Variants in PTPRB observed in about 807,000 individuals in gnomAD.
PTPRB encodes receptor-type tyrosine-protein phosphatase beta.
A neutral mutation model predicts 238.1 loss-of-function variants in PTPRB; 97 were observed. The observed-to-expected ratio is 0.41, with a 90% CI of 0.35 to 0.48. PTPRB has a LOEUF of 0.48. Among genes scored for constraint, PTPRB ranks in the 20% least tolerant of loss-of-function variants. The pLI, the probability that PTPRB is intolerant of heterozygous loss-of-function variation, is 0.30. For missense variants in PTPRB, 2,292 were observed against 2,681.9 expected (o/e 0.85, Z 3.21); for synonymous variants, 970 against 995.4 (o/e 0.97, Z 0.48).
At chr12:70,630,920 A>C (rs1158382726) in intron 2 of PTPRB, among the ~76,000 whole-genome samples, 2 of 152,206 alleles carry the variant, frequency 1.3e-5, no homozygotes, top group Non-Finnish European at 2.9e-5. Flanking sequence ...TGCTCAACGA[A>C]ATAAAAGAGG....
intron 27 of PTPRB, 88 bp from the exon 28 acceptor site, chr12:70,538,319 C>A: frequency 9.4e-7 from 1 of 1,065,730 alleles, no homozygotes. Context: ...CTGATCCCCA[C>A]AACAGCCACA....
chr12:70,573,504 T>C (rs917701030), intron 11 of PTPRB, among the ~76,000 whole-genome samples: 1 of 99,630 alleles, frequency 1.0e-5, no homozygotes, highest in Non-Finnish European at 2.3e-5. Context: ...TCTTTTCTTT[T>C]CTTTTTTTTT....
chr12:70,587,134 G>T lies in PTPRB; in HGVS notation c.2184C>A (p.His728Gln). 6.2e-7 allele frequency: 1 copy of T among 1,613,966 alleles called. No homozygotes were observed. Residue 728 changes from histidine (H) to glutamine (Q), a missense_variant, in exon 9 of 34, where the codon CAC (histidine) becomes CAA (glutamine). This residue lies in a region of PTPRB where 1,205 missense variants were observed against 1,287.8 expected (regional missense o/e 0.94). Coordinates refer to ENST00000334414, the MANE Select transcript of PTPRB (RefSeq NM_001109754.4). The part of the protein sequence containing the change: ...SLADRDLLLI[H>Q]KSLSKDAKEF... The stretch of plus-strand genomic sequence containing the variant: ...CTTTGGCATCTTTGGAGAGTGACTT[G>T]TGGATCAGTAAGAGGTCTCTGTCAG...
rs1320079893 is a variant in PTPRB, at chr12:70,534,636, C to T, written c.6220G>A (p.Ala2074Thr). 1 of 1,612,274 alleles carries T rather than the reference C, an allele frequency of 6.2e-7. No individual in the cohort carries two copies. The highest frequency in any genetic ancestry group is 1.1e-5 in the South Asian group (1 of 90,578). ...TGAAAGTGGCGGATGAGTCTGTGTGCATCAAGCTGTTCCTCCTGTAAGAGC... is the reference window on the plus strand; with the variant it reads ...TGAAAGTGGCGGATGAGTCTGTGTGTATCAAGCTGTTCCTCCTGTAAGAGC... ...FKICGEEQLD[A>T]HRLIRHFHYT... Residue 2074 changes from alanine (A) to threonine (T), a missense_variant, in exon 31 of 34, where the codon GCA (alanine) becomes ACA (threonine). By Grantham distance (58) the Ala-to-Thr change is moderately conservative (BLOSUM62 0). This residue lies in a region of PTPRB where 397 missense variants were observed against 502.0 expected (regional missense o/e 0.79). Transcript: ENST00000334414.
At chr12:70,539,305 G>T in intron 26 of PTPRB, 1 of 528,662 alleles carries the variant, frequency 1.9e-6, no homozygotes, top group Non-Finnish European at 3.3e-6. Flanking sequence ...GCGAAACCAC[G>T]GCATCTTCCA....
chr12:70,589,680 T>C (rs1057159343), intron 8 of PTPRB, among the ~76,000 whole-genome samples: 3 of 152,202 alleles, frequency 2.0e-5, no homozygotes, highest in African/African-American at 7.2e-5. Flanking sequence ...TCTTCTTTTG[T>C]GGGAAGGGTC....
intron 3 of PTPRB, chr12:70,609,907 C>G (rs559716103): frequency 8.3e-7 from 1 of 1,205,378 alleles, no homozygotes; most frequent in Non-Finnish European, 1.1e-6. Context: ...TGCGCGCGCT[C>G]AGCGCGCCCC....
intron 29 of PTPRB, 115 bp from the exon 30 acceptor site, chr12:70,535,070 A>G (rs1404823861): frequency 1.6e-6 from 2 of 1,244,426 alleles, no homozygotes; most frequent in East Asian, 4.8e-5. Context: ...CAGCTGCTAA[A>G]GCAATTTGAC....
chr12:70,548,336 TCTCTCTCTCTCACA>T (rs1226399654), intron 21 of PTPRB, among the ~76,000 whole-genome samples: 2 of 34,340 alleles, frequency 5.8e-5, no homozygotes, highest in African/African-American at 1.1e-4. Flanking sequence ...TCTCTCTCTC[TCTCTCTCTCTCACA>T]CACACACACA....
intron 30 of PTPRB, 56 bp from the exon 31 acceptor site, chr12:70,534,707 T>G: frequency 6.2e-7 from 1 of 1,602,004 alleles, no homozygotes; most frequent in African/African-American, 1.3e-5. Flanking sequence ...ACCTTCAAAC[T>G]TGACAGCTGA....
intron 21 of PTPRB, among the ~76,000 whole-genome samples, chr12:70,547,955 G>GA (rs1451672394): frequency 6.6e-6 from 1 of 152,144 alleles, no homozygotes; most frequent in Non-Finnish European, 1.5e-5. Context: ...AGATATGAAC[G>GA]AAAACTGAAC....
intron 14 of PTPRB, among the ~76,000 whole-genome samples, chr12:70,567,373 C>T (rs796713865): frequency 6.6e-6 from 1 of 152,142 alleles, no homozygotes; most frequent in South Asian, 2.1e-4. Context: ...CTGAATGTAC[C>T]ACAGACATCC....
At position 70,520,957 on chromosome 12, in the gene PTPRB, C is replaced by T. The variant is rs1871588234; in HGVS notation, c.*532G>A. ...CTGCTTAATTCTTTTTTCTCCCTCC[C>T]TCTAATCCTTTTTTTGACTGTCACA... On this transcript the variant is annotated 3_prime_UTR_variant, in exon 34 of 34. Coordinates refer to ENST00000334414, the MANE Select transcript of PTPRB (RefSeq NM_001109754.4). The T allele has an allele frequency of 6.6e-6, 1 of 152,390 alleles. No individual in the cohort carries two copies. Among genetic ancestry groups the T allele is most frequent in the Admixed American group, 6.5e-5 (1 of 15,288 alleles). 9.4% of individuals were successfully genotyped at this position (152,390 alleles called of 1,614,324 possible). A position where few individuals can be genotyped will look rare whatever the true frequency, so the allele number is the denominator to read the frequency against.
At chr12:70,600,233 CA>C (rs1177125875) in intron 4 of PTPRB, among the ~76,000 whole-genome samples, 1 of 152,184 alleles carries the variant, frequency 6.6e-6, no homozygotes, top group East Asian at 1.9e-4. Context: ...GACAGCACCA[CA>C]TTACATCTGT....
rs908892913 is a variant in PTPRB, at chr12:70,560,389, A to G, written c.4432+282T>C. On this transcript the variant is annotated intron_variant, in intron 17 of 33. Transcript: ENST00000334414. This position sits in a 1 kb window ranked among gnomAD's most constrained non-coding sequence, Gnocchi z 4.2. ...TAGGAAGCACTGGTGATAGCCACAC[A>G]GTGATGATGTATATGATTATTCCCA... Among the ~76,000 whole-genome samples the G allele has an allele frequency of 4.6e-5, 7 of 152,218 alleles. No individual in the cohort carries two copies. The highest frequency in any genetic ancestry group is 9.6e-5 in the African/African-American group (4 of 41,454).
At chr12:70,570,513 A>G (rs2136373883) in intron 13 of PTPRB, among the ~76,000 whole-genome samples, 1 of 151,672 alleles carries the variant, frequency 6.6e-6, no homozygotes, top group South Asian at 2.1e-4. Context: ...TGCCCGGCTA[A>G]TTTTTTTGTA....
At chr12:70,602,562 T>C (rs1222272785) in intron 4 of PTPRB, among the ~76,000 whole-genome samples, 2 of 152,182 alleles carry the variant, frequency 1.3e-5, no homozygotes, top group Non-Finnish European at 2.9e-5. Flanking sequence ...ATGTTAGATG[T>C]GATAATTATA....
intron 16 of PTPRB, among the ~76,000 whole-genome samples, chr12:70,561,534 T>C (rs2136331332): frequency 6.6e-6 from 1 of 152,342 alleles, no homozygotes; most frequent in South Asian, 2.1e-4. Flanking sequence ...TAAGCATTAA[T>C]GAGCAGGTAA....
intron 3 of PTPRB, among the ~76,000 whole-genome samples, chr12:70,613,086 G>A (rs1884531427): frequency 6.6e-6 from 1 of 152,156 alleles, no homozygotes; most frequent in Non-Finnish European, 1.5e-5. Context: ...CAAGGGGTCT[G>A]GGAGCCACTG....
Sources: allele counts gnomAD v4.1 joint callset (sites outside exome capture counted in the v4.1 genomes callset), GRCh38; gene constraint gnomAD v4.1.1; regional missense constraint gnomAD v4.1.1; non-coding constraint Gnocchi (gnomAD v3.1); transcripts MANE v1.5; gene names NCBI Gene and HGNC (gene_info 2026-07-23, HGNC 2026-07-21).